The following ADARB1 variants were observed in gnomAD, a reference collection of about 807,000 sequenced individuals.
The protein encoded by ADARB1 is adenosine deaminase RNA specific B1, also known as double-stranded RNA-specific editase 1.
A neutral mutation model predicts 52.4 loss-of-function variants in ADARB1; 10 were observed. The ratio of observed to expected loss-of-function variants is 0.19; its 90% CI spans 0.12 to 0.32. ADARB1 has a LOEUF of 0.32. ADARB1 is among the 10% of genes least tolerant of loss of function. The pLI is 1.00. For missense variants in ADARB1, 643 were observed against 922.3 expected (o/e 0.70, Z 3.92); for synonymous variants, 349 against 371.1 (o/e 0.94, Z 0.68).
At chr21:45,077,432 G>A (rs549618337) in intron 1 of ADARB1, among the ~76,000 whole-genome samples, 17 of 152,160 alleles carry the variant, frequency 1.1e-4, no homozygotes, top group Non-Finnish European at 2.2e-4. Flanking sequence ...TTGGGAGGCC[G>A]AGGCGGGTAG....
intron 9 of ADARB1, among the ~76,000 whole-genome samples, chr21:45,217,541 T>TA (rs780655284): frequency 2.6e-5 from 4 of 152,186 alleles, no homozygotes; most frequent in Admixed American, 2.6e-4. Context: ...TTGCATGTGT[T>TA]AAAAAAATCC....
In ADARB1 at chr21:45,220,067, G is replaced by A. The variant is rs775924513; in HGVS notation, c.1748-769G>A. ...AAGCTATTTTTATCTCCTGTTTGATGTTTGTTCTTGCTTCAATTTTAGCAG... is the reference window on the plus strand; with the variant it reads ...AAGCTATTTTTATCTCCTGTTTGATATTTGTTCTTGCTTCAATTTTAGCAG... On this transcript the variant is annotated intron_variant, in intron 9 of 10. Coordinates refer to ENST00000348831, the MANE Select transcript of ADARB1 (RefSeq NM_001112.4). The surrounding 1 kb of genome is among the most constrained non-coding windows in gnomAD (Gnocchi z 6.3). Among the ~76,000 whole-genome samples the A allele has an allele frequency of 2.2e-5, 3 of 137,864 alleles. No individual in the cohort carries two copies. The highest frequency in any genetic ancestry group is 4.7e-5 in the Non-Finnish European group (3 of 64,270). The allele number at this position is 137,864 out of a possible 152,430, so 90.4% of individuals were successfully genotyped here. A position where few individuals can be genotyped will look rare whatever the true frequency, so the allele number is the denominator to read the frequency against.
chr21:45,187,694 A>G (rs542071475), intron 8 of ADARB1, among the ~76,000 whole-genome samples: 1 of 152,066 alleles, frequency 6.6e-6, no homozygotes, highest in South Asian at 2.1e-4. Flanking sequence ...TTCTATTCCT[A>G]GTTTGTTGAA....
intron 1 of ADARB1, among the ~76,000 whole-genome samples, chr21:45,098,362 C>T (rs978144449): frequency 9.2e-5 from 14 of 152,348 alleles, no homozygotes; most frequent in Non-Finnish European, 1.6e-4. Context: ...AGGGGCTGCT[C>T]ACAGCTTCCT....
chr21:45,186,864 T>A (rs2092124268), intron 8 of ADARB1, among the ~76,000 whole-genome samples: 1 of 152,232 alleles, frequency 6.6e-6, no homozygotes, highest in South Asian at 2.1e-4. Context: ...GGTTTATTAC[T>A]GTGCTGTCTG....
intron 9 of ADARB1, among the ~76,000 whole-genome samples, chr21:45,212,411 G>T (rs2092786569): frequency 6.6e-6 from 1 of 152,186 alleles, no homozygotes; most frequent in South Asian, 2.1e-4. Flanking sequence ...GGTAGGGCAG[G>T]TGTGCTGGTA....
intron 5 of ADARB1, among the ~76,000 whole-genome samples, chr21:45,181,027 A>C (rs2091912699): frequency 6.6e-6 from 1 of 152,304 alleles, no homozygotes; most frequent in South Asian, 2.1e-4. Flanking sequence ...AAGGGAAGCC[A>C]CATCCTTGGC....
intron 1 of ADARB1, among the ~76,000 whole-genome samples, chr21:45,094,801 A>T (rs1025668627): frequency 6.6e-6 from 1 of 151,992 alleles, no homozygotes; most frequent in African/African-American, 2.4e-5. Flanking sequence ...AGATGTCTGT[A>T]TATCAAGTAC....
chr21:45,177,001 G>A (rs751367546), intron 4 of ADARB1: 10 of 230,092 alleles, frequency 4.3e-5, no homozygotes, highest in Non-Finnish European at 3.4e-5. Flanking sequence ...CCTTTAGCAG[G>A]AGAGACGGAA....
intron 2 of ADARB1, among the ~76,000 whole-genome samples, chr21:45,151,357 C>T (rs980131387): frequency 6.6e-6 from 1 of 152,174 alleles, no homozygotes; most frequent in East Asian, 1.9e-4. Context: ...CCTTAGGTGC[C>T]ATGTGCAGTT....
At chr21:45,075,369 C>T (rs1349585550) in intron 1 of ADARB1, among the ~76,000 whole-genome samples, 2 of 151,300 alleles carry the variant, frequency 1.3e-5, no homozygotes, top group African/African-American at 2.4e-5. Flanking sequence ...GAGGCTGGGC[C>T]CGGGCAGGGG....
At chr21:45,148,241 G>A (rs1436524546) in intron 2 of ADARB1, among the ~76,000 whole-genome samples, 1 of 152,194 alleles carries the variant, frequency 6.6e-6, no homozygotes, top group Non-Finnish European at 1.5e-5. Flanking sequence ...AGCCCTCAGG[G>A]CCATGGCAGC....
At chr21:45,109,222 C>T (rs1433919637) in intron 1 of ADARB1, among the ~76,000 whole-genome samples, 5 of 149,932 alleles carry the variant, frequency 3.3e-5, no homozygotes, top group Non-Finnish European at 5.9e-5. Flanking sequence ...CGTGTGTGCG[C>T]GCTTGTGTGT....
intron 2 of ADARB1, among the ~76,000 whole-genome samples, chr21:45,153,592 G>C (rs953474950): frequency 6.6e-6 from 1 of 152,076 alleles, no homozygotes; most frequent in Non-Finnish European, 1.5e-5. Context: ...TCGGTTTTTT[G>C]GTGTGGCTTC....
chr21:45,215,611 A>C (rs1008107446), intron 9 of ADARB1, among the ~76,000 whole-genome samples: 6 of 152,176 alleles, frequency 3.9e-5, no homozygotes, highest in African/African-American at 1.4e-4. Flanking sequence ...ACAACAACAA[A>C]AAATGAGATG....
Position 45,204,713 on chromosome 21 carries a change from C to A in ADARB1, c.1724C>A (p.Thr575Asn). The A allele has an allele frequency of 1.2e-6, 2 of 1,614,168 alleles. No homozygotes were observed. The highest frequency in any genetic ancestry group is 1.7e-6 in the Non-Finnish European group (2 of 1,180,020). Reference protein sequence around the residue: ...SNIEDLPPLYTLNKPLLSGIS... With the variant: ...SNIEDLPPLYNLNKPLLSGIS... ...ATAGAGGACCTGCCACCTCTCTACACCCTCAACAAGCCTTTGCTCAGTGGC... is the reference window on the plus strand; with the variant it reads ...ATAGAGGACCTGCCACCTCTCTACAACCTCAACAAGCCTTTGCTCAGTGGC... The change falls in exon 9 of 11, where the codon ACC becomes AAC. Residue 575 changes from threonine to asparagine, a missense_variant. By Grantham distance (65) the Thr-to-Asn change is moderately conservative (BLOSUM62 0). Transcript: ENST00000348831. The surrounding 1 kb of genome is among the most constrained non-coding windows in gnomAD (Gnocchi z 4.4).
intron 1 of ADARB1, among the ~76,000 whole-genome samples, chr21:45,112,744 A>G (rs2087600185): frequency 6.6e-6 from 1 of 152,138 alleles, no homozygotes; most frequent in Admixed American, 6.5e-5. Flanking sequence ...CTGCTTGAAC[A>G]GGGACACTTT....
chr21:45,176,333 C>T lies in ADARB1; in HGVS notation c.632C>T (p.Ser211Phe). ...SSSGDLSLSA[S>F]PVPASLAQPP... The stretch of plus-strand genomic sequence containing the variant: ...AGCGGGGACCTCAGCTTGTCTGCTT[C>T]CCCGGTGCCTGCCAGCCTAGCCCAG... Residue 211 changes from serine to phenylalanine, a missense_variant, in exon 4 of 11, where the codon TCC (serine) becomes TTC (phenylalanine). Ser to Phe is a radical substitution (Grantham distance 155). Coordinates refer to ENST00000348831, the MANE Select transcript of ADARB1 (RefSeq NM_001112.4). The surrounding 1 kb of genome is among the most constrained non-coding windows in gnomAD (Gnocchi z 5.8). The T allele has an allele frequency of 1.2e-6, 2 of 1,614,042 alleles. No individual in the cohort carries two copies. The highest frequency in any genetic ancestry group is 2.2e-5 in the East Asian group (1 of 44,870).
chr21:45,153,450 CCTCTGT>C (rs2090404016), intron 2 of ADARB1, among the ~76,000 whole-genome samples: 1 of 152,098 alleles, frequency 6.6e-6, no homozygotes. Flanking sequence ...AGTGCCTCTG[CCTCTGT>C]GTCTTCTGGG....
Sources: gnomAD v4.1 joint callset for allele counts (sites outside exome capture counted in the v4.1 genomes callset) on GRCh38, gnomAD v4.1.1 for gene constraint, Gnocchi (gnomAD v3.1) non-coding constraint, MANE v1.5 for transcripts, NCBI Gene and HGNC (gene_info 2026-07-23, HGNC 2026-07-21) for gene names.